Variants in PPP2R5E observed in about 807,000 individuals in gnomAD.
PPP2R5E encodes the protein serine/threonine-protein phosphatase 2A 56 kDa regulatory subunit epsilon isoform.
A neutral mutation model predicts 65.3 loss-of-function variants in PPP2R5E; 4 were observed. That is an observed-to-expected ratio of 0.06 (90% CI 0.03 to 0.14). The LOEUF is 0.14. Among genes scored for constraint, PPP2R5E ranks in the 10% least tolerant of loss-of-function variants. PPP2R5E has a pLI of 1.00. For missense variants in PPP2R5E, 274 were observed against 556.1 expected, an observed-to-expected ratio of 0.49 and a Z score of 5.10; for synonymous variants, 183 against 187.4, an observed-to-expected ratio of 0.98 and a Z score of 0.19.
At chr14:63,526,405 G>A (rs1893186217) in intron 2 of PPP2R5E, among the ~76,000 whole-genome samples, 1 of 152,060 alleles carries the variant, frequency 6.6e-6, no homozygotes, top group Admixed American at 6.6e-5. Flanking sequence ...TGTGTAACAG[G>A]ACAAATACAA....
intron 2 of PPP2R5E, among the ~76,000 whole-genome samples, chr14:63,466,112 G>A (rs1889779583): frequency 6.6e-6 from 1 of 151,946 alleles, no homozygotes; most frequent in South Asian, 2.1e-4. Flanking sequence ...GGATAAAATG[G>A]CCTATGTATT....
rs777924474 is a variant in PPP2R5E, at chr14:63,401,321, C to CA, written c.550-4606dup. On this transcript the variant is annotated intron_variant, in intron 5 of 13. Transcript: ENST00000337537. ...ATCTATAGTCCCAATCACTCCCACA[C>CA]AAAAAAGAAATATAATCCCACACCT... Among the ~76,000 whole-genome samples the CA allele has an allele frequency of 9.5e-4, 145 of 152,118 alleles. 1 individual carries two copies. Among genetic ancestry groups the CA allele is most frequent in the Non-Finnish European group, 1.5e-3 (101 of 67,984 alleles).
chr14:63,424,319 G>A (rs1887209943), intron 3 of PPP2R5E, among the ~76,000 whole-genome samples: 1 of 152,154 alleles, frequency 6.6e-6, no homozygotes, highest in Admixed American at 6.5e-5. Flanking sequence ...GCAGTATCTA[G>A]GAGGCAATTA....
chr14:63,525,017 C>G (rs573565727), intron 2 of PPP2R5E, among the ~76,000 whole-genome samples: 1 of 152,204 alleles, frequency 6.6e-6, no homozygotes. Flanking sequence ...AGAGCCAGAC[C>G]GGCCTAGGGT....
At chr14:63,521,993 A>C (rs898237634) in intron 2 of PPP2R5E, among the ~76,000 whole-genome samples, 1 of 124,126 alleles carries the variant, frequency 8.1e-6, no homozygotes, top group African/African-American at 3.0e-5. Flanking sequence ...TCTGATACCG[A>C]GCCGAAGCTG....
chr14:63,441,206 C>A (rs1476127704), intron 3 of PPP2R5E, among the ~76,000 whole-genome samples: 2 of 152,122 alleles, frequency 1.3e-5, no homozygotes, highest in Non-Finnish European at 2.9e-5. Flanking sequence ...TGGCCATCTT[C>A]TTTCATTAGT....
At chr14:63,481,699 T>G (rs10220574) in intron 2 of PPP2R5E, among the ~76,000 whole-genome samples, 1 of 152,226 alleles carries the variant, frequency 6.6e-6, no homozygotes, top group Non-Finnish European at 1.5e-5. Flanking sequence ...GTTTGAATTA[T>G]GTGATAATGG....
At chr14:63,511,782 CA>C (rs893619323) in intron 2 of PPP2R5E, among the ~76,000 whole-genome samples, 1 of 151,872 alleles carries the variant, frequency 6.6e-6, no homozygotes, top group Non-Finnish European at 1.5e-5. Flanking sequence ...AAAAAATTAC[CA>C]AGATAAGAAT....
At chr14:63,411,658 TAAAAAA>T (rs766263301) in intron 5 of PPP2R5E, among the ~76,000 whole-genome samples, 75 of 93,116 alleles carry the variant, frequency 8.1e-4, no homozygotes, top group African/African-American at 3.1e-3. Flanking sequence ...TGTGGTTGTT[TAAAAAA>T]AAAAAAAAAA....
At chr14:63,380,391 G>A (rs541526447) in intron 13 of PPP2R5E, among the ~76,000 whole-genome samples, 13 of 152,084 alleles carry the variant, frequency 8.5e-5, no homozygotes, top group South Asian at 8.3e-4. Context: ...GGCTGGGCGC[G>A]GTGGCTTACG....
chr14:63,402,820 G>A (rs1242716622), intron 5 of PPP2R5E, among the ~76,000 whole-genome samples: 1 of 151,342 alleles, frequency 6.6e-6, no homozygotes, highest in Non-Finnish European at 1.5e-5. Flanking sequence ...TGAAGAGAAG[G>A]AAATTATCTG....
chr14:63,427,041 A>C (rs563826300), intron 3 of PPP2R5E, among the ~76,000 whole-genome samples: 2 of 152,350 alleles, frequency 1.3e-5, no homozygotes, highest in East Asian at 3.9e-4. Context: ...GCTTCCATTA[A>C]ATCTTCCTTT....
chr14:63,489,416 CT>C lies in PPP2R5E; in HGVS notation c.158-35532del, dbSNP rs200892473. On this transcript the variant is annotated intron_variant, in intron 2 of 13. Coordinates refer to ENST00000337537, the MANE Select transcript of PPP2R5E (RefSeq NM_006246.5). ...TTTTTGTTGTTGTTGTTGTTGTTTTCTTTTTTTTTTTTTGAGACAGAGTCTC... is the reference window on the plus strand; with the variant it reads ...TTTTTGTTGTTGTTGTTGTTGTTTTCTTTTTTTTTTTTGAGACAGAGTCTC... 1.5e-3 allele frequency among the ~76,000 whole-genome samples: 209 copies of C among 141,806 alleles called. 1 individual carries two copies. Among genetic ancestry groups the C allele is most frequent in the Admixed American group, 3.6e-3 (51 of 14,182 alleles). The allele number at this position is 141,806 out of a possible 152,430, so 93.0% of individuals were successfully genotyped here.
intron 2 of PPP2R5E, among the ~76,000 whole-genome samples, chr14:63,469,555 G>T (rs772598318): frequency 2.0e-5 from 3 of 152,206 alleles, no homozygotes; most frequent in Non-Finnish European, 4.4e-5. Flanking sequence ...GTAGCCAGGC[G>T]TGGTGGCGAG....
chr14:63,487,945 C>T (rs1891076403), intron 2 of PPP2R5E, among the ~76,000 whole-genome samples: 1 of 152,174 alleles, frequency 6.6e-6, no homozygotes, highest in Non-Finnish European at 1.5e-5. Flanking sequence ...CACATGGTCT[C>T]AACTGCTTCC....
chr14:63,472,932 G>A (rs1890203332), intron 2 of PPP2R5E, among the ~76,000 whole-genome samples: 2 of 152,280 alleles, frequency 1.3e-5, no homozygotes, highest in Non-Finnish European at 2.9e-5. Flanking sequence ...GCTGAAGGGA[G>A]GCAATCAAAT....
intron 2 of PPP2R5E, among the ~76,000 whole-genome samples, chr14:63,514,299 G>A (rs1735780122): frequency 6.6e-6 from 1 of 152,088 alleles, no homozygotes; most frequent in Non-Finnish European, 1.5e-5. Flanking sequence ...CAACTGAAAA[G>A]ATTGATAATA....
chr14:63,467,146 G>A (rs1889859407), intron 2 of PPP2R5E, among the ~76,000 whole-genome samples: 3 of 150,986 alleles, frequency 2.0e-5, no homozygotes, highest in African/African-American at 7.4e-5. Context: ...GAATGGCATG[G>A]ACCTGGGAGG....
chr14:63,479,146 A>G (rs1332663740), intron 2 of PPP2R5E: 4 of 152,154 alleles, frequency 2.6e-5, no homozygotes, highest in African/African-American at 7.2e-5. Flanking sequence ...AAGAAAGAAA[A>G]AAATCATTAA....
Sources: allele counts gnomAD v4.1 joint callset (sites outside exome capture counted in the v4.1 genomes callset), GRCh38; gene constraint gnomAD v4.1.1; transcripts MANE v1.5; gene names NCBI Gene and HGNC (gene_info 2026-07-23, HGNC 2026-07-21).